The following NRXN3 variants were observed in gnomAD, a reference collection of about 807,000 sequenced individuals.
NRXN3 encodes the protein neurexin 3, also known as neurexin III.
In NRXN3, 32 loss-of-function variants were observed where a neutral mutation model predicts 137.6. The observed-to-expected ratio is 0.23, with a 90% CI of 0.18 to 0.31. NRXN3 has a LOEUF of 0.31. Ranked by LOEUF, NRXN3 falls within the 10% of genes least tolerant of loss-of-function variation. The probability of loss-of-function intolerance (pLI) is 1.00; values close to 1 mark genes in which losing one functional copy is unlikely to be tolerated. For synonymous variants in NRXN3, 798 were observed against 784.5 expected (o/e 1.02, Z -0.29); for missense variants, 1,574 against 2,062.5 (o/e 0.76, Z 4.59).
chr14:79,522,125 T>G (rs1026165508), intron 16 of NRXN3, among the ~76,000 whole-genome samples: 31 of 152,062 alleles, frequency 2.0e-4, no homozygotes, highest in African/African-American at 7.2e-4. Context: ...TCAATGGAAT[T>G]GAAAAAAATC....
At chr14:79,248,748 T>C (rs2075548851) in intron 15 of NRXN3, 1 of 152,210 alleles carries the variant, frequency 6.6e-6, no homozygotes, top group African/African-American at 2.4e-5. Context: ...AAGAGCAAGT[T>C]CTAGTATAAA....
intron 4 of NRXN3, among the ~76,000 whole-genome samples, chr14:78,640,890 A>T (rs2097620367): frequency 6.6e-6 from 1 of 152,208 alleles, no homozygotes; most frequent in Admixed American, 6.5e-5. Context: ...ATATAATTTA[A>T]ATGGATCTAA....
intron 6 of NRXN3, among the ~76,000 whole-genome samples, chr14:78,708,326 T>G (rs943710934): frequency 6.6e-6 from 1 of 152,218 alleles, no homozygotes; most frequent in Non-Finnish European, 1.5e-5. Flanking sequence ...CAGTATTCTT[T>G]GTAAAATCAG....
chr14:78,460,300 A>T (rs1015538813), intron 4 of NRXN3, among the ~76,000 whole-genome samples: 4 of 152,182 alleles, frequency 2.6e-5, no homozygotes, highest in African/African-American at 9.7e-5. Flanking sequence ...AATTGATTAC[A>T]TCATTGCCAT....
intron 15 of NRXN3, among the ~76,000 whole-genome samples, chr14:79,459,400 A>G (rs2096297643): frequency 6.6e-6 from 1 of 152,048 alleles, no homozygotes; most frequent in Non-Finnish European, 1.5e-5. Context: ...CCCTCATCCA[A>G]TAAGACTGAT....
At chr14:79,817,172 C>T (rs2099254202) in intron 20 of NRXN3, among the ~76,000 whole-genome samples, 1 of 152,142 alleles carries the variant, frequency 6.6e-6, no homozygotes, top group African/African-American at 2.4e-5. Flanking sequence ...CCTGCCTCAG[C>T]CTCCTGAGTA....
intron 16 of NRXN3, among the ~76,000 whole-genome samples, chr14:79,584,976 G>T (rs942712113): frequency 1.3e-5 from 2 of 152,188 alleles, no homozygotes; most frequent in African/African-American, 4.8e-5. Flanking sequence ...AAACATTTGA[G>T]AATAAAAACA....
chr14:78,528,312 C>A (rs546446198), intron 4 of NRXN3, among the ~76,000 whole-genome samples: 1 of 152,202 alleles, frequency 6.6e-6, no homozygotes, highest in Non-Finnish European at 1.5e-5. Flanking sequence ...AATGCAACAA[C>A]TTCCCTTCAG....
intron 20 of NRXN3, among the ~76,000 whole-genome samples, chr14:79,859,064 C>A (rs2099409017): frequency 6.6e-6 from 1 of 150,926 alleles, no homozygotes; most frequent in Admixed American, 6.6e-5. Context: ...GATCATTTTG[C>A]TCAATAGTTT....
At chr14:78,698,770 A>G (rs1402758994) in intron 6 of NRXN3, among the ~76,000 whole-genome samples, 1 of 152,090 alleles carries the variant, frequency 6.6e-6, no homozygotes, top group East Asian at 1.9e-4. Flanking sequence ...AGATTGCCTT[A>G]AAAATAAAAG....
At chr14:79,245,693 T>G (rs915287967) in intron 15 of NRXN3, among the ~76,000 whole-genome samples, 2 of 152,168 alleles carry the variant, frequency 1.3e-5, no homozygotes, top group African/African-American at 4.8e-5. Flanking sequence ...GATGATAAGT[T>G]TCATTTTTGT....
At chr14:79,490,256 G>C (rs1457460223) in intron 16 of NRXN3, among the ~76,000 whole-genome samples, 1 of 152,080 alleles carries the variant, frequency 6.6e-6, no homozygotes, top group East Asian at 1.9e-4. Flanking sequence ...ACAGTTTGGA[G>C]GTTCCTCAAA....
At chr14:79,671,025 G>A (rs1028241459) in intron 17 of NRXN3, among the ~76,000 whole-genome samples, 1 of 152,138 alleles carries the variant, frequency 6.6e-6, no homozygotes. Flanking sequence ...GGCAGATGGT[G>A]CCATTCACCG....
At chr14:78,251,419 A>T (rs1418068426) in intron 2 of NRXN3, among the ~76,000 whole-genome samples, 2 of 152,166 alleles carry the variant, frequency 1.3e-5, no homozygotes, top group African/African-American at 4.8e-5. Context: ...CTCCACACCT[A>T]ATTTTGTATT....
intron 15 of NRXN3, among the ~76,000 whole-genome samples, chr14:79,395,184 A>G (rs190548400): frequency 6.9e-4 from 105 of 152,262 alleles, no homozygotes; most frequent in African/African-American, 2.4e-3. Context: ...CTTTACAAAG[A>G]TATCTACTGT....
chr14:78,905,795 C>T lies in NRXN3; in HGVS notation c.2276-51447C>T, dbSNP rs372154977. Among the ~76,000 whole-genome samples, 111 of 151,982 alleles carry T rather than the reference C, an allele frequency of 7.3e-4. 1 individual carries two copies. Among genetic ancestry groups the T allele is most frequent in the African/African-American group, 2.2e-3 (90 of 41,478 alleles). ...ATTTGAAAGATAATCCATAATCTGT[C>T]GAGTTTCTAGAGAATACATGAAAAT... On this transcript the variant is annotated intron_variant, in intron 10 of 20. Transcript: ENST00000335750.
At chr14:79,160,576 A>C (rs770557193) in intron 15 of NRXN3, among the ~76,000 whole-genome samples, 2 of 151,890 alleles carry the variant, frequency 1.3e-5, no homozygotes, top group Non-Finnish European at 2.9e-5. Flanking sequence ...TGTTCTTTGC[A>C]CATGTTCGTG....
intron 2 of NRXN3, among the ~76,000 whole-genome samples, chr14:78,265,835 G>A (rs939507187): frequency 6.6e-6 from 1 of 152,158 alleles, no homozygotes; most frequent in Non-Finnish European, 1.5e-5. Context: ...CAACTCTACA[G>A]CACTGATCAC....
At chr14:79,358,296 C>T (rs1478251825) in intron 15 of NRXN3, among the ~76,000 whole-genome samples, 2 of 152,082 alleles carry the variant, frequency 1.3e-5, no homozygotes, top group African/African-American at 4.8e-5. Flanking sequence ...GGCATGGTGG[C>T]TCACGCCTGT....
Sources: allele counts gnomAD v4.1 joint callset (sites outside exome capture counted in the v4.1 genomes callset), GRCh38; gene constraint gnomAD v4.1.1; transcripts MANE v1.5; gene names NCBI Gene and HGNC (gene_info 2026-07-23, HGNC 2026-07-21).